Variants in DHX29 observed in about 807,000 individuals in gnomAD.
The protein encoded by DHX29 is DExH-box helicase 29.
DHX29 carries 79 observed loss-of-function variants against 167.9 expected under a neutral mutation model. The observed-to-expected ratio is 0.47, with a 90% CI of 0.39 to 0.57. The LOEUF is 0.57. Among genes scored for constraint, DHX29 ranks in the 20% least tolerant of loss-of-function variants. DHX29 has a pLI of 0.00. For missense variants in DHX29, 1,347 were observed against 1,593.4 expected (o/e 0.85, Z 2.63); for synonymous variants, 530 against 546.0 (o/e 0.97, Z 0.41).
chr5:55,306,576 C>G (rs1748873211), intron 1 of DHX29, among the ~76,000 whole-genome samples: 1 of 152,226 alleles, frequency 6.6e-6, no homozygotes, highest in Non-Finnish European at 1.5e-5. Context: ...ATTAGACTGG[C>G]AAGCTCCATG....
chr5:55,268,240 GC>G (rs1746679332), intron 21 of DHX29, among the ~76,000 whole-genome samples: 1 of 152,044 alleles, frequency 6.6e-6, no homozygotes, highest in African/African-American at 2.4e-5. Context: ...CTCTTAGTCT[GC>G]CGTGATCTTT....
chr5:55,273,686 T>C (rs1442131224), intron 16 of DHX29, among the ~76,000 whole-genome samples: 1 of 152,136 alleles, frequency 6.6e-6, no homozygotes, highest in Non-Finnish European at 1.5e-5. Flanking sequence ...ATTAAATATA[T>C]ATGGATGATA....
At position 55,300,130 on chromosome 5, in the gene DHX29, G is replaced by C. The variant is rs148321799; in HGVS notation, c.188-1466C>G. On this transcript the variant is annotated intron_variant, in intron 1 of 26. Transcript: ENST00000251636. ...CTCATGCCTGTAATCCCAGCACTTT[G>C]GGAGGCTGAGGTAGGAGGATCTCTT... 4.6e-3 allele frequency among the ~76,000 whole-genome samples: 699 copies of C among 152,224 alleles called. 5 individuals carry two copies. The highest frequency in any genetic ancestry group is 0.016 in the African/African-American group (665 of 41,532).
intron 14 of DHX29, 58 bp downstream of exon 14, chr5:55,276,208 T>C: frequency 1.4e-6 from 2 of 1,391,494 alleles, no homozygotes. Context: ...GAAACTCTTG[T>C]GGCAGGTTAG....
chr5:55,269,309 T>G, intron 21 of DHX29, 104 bp downstream of exon 21: 1 of 1,056,438 alleles, frequency 9.5e-7, no homozygotes, highest in South Asian at 1.6e-5. Context: ...GTATAGACAT[T>G]CTATTTAGTT....
chr5:55,280,160 G>C (rs1363987911), intron 12 of DHX29, among the ~76,000 whole-genome samples: 1 of 152,112 alleles, frequency 6.6e-6, no homozygotes, highest in South Asian at 2.1e-4. Context: ...TTAACATGAC[G>C]ATGAATTTCA....
rs545859056 is a variant in DHX29, at chr5:55,301,452, G to A, written c.188-2788C>T. 2.6e-5 allele frequency among the ~76,000 whole-genome samples: 4 copies of A among 152,158 alleles called. No individual in the cohort carries two copies. In the East Asian group the frequency reaches 7.7e-4, roughly 29 times the overall value. On this transcript the variant is annotated intron_variant, in intron 1 of 26. Transcript: ENST00000251636. ...TCCCAGGCCAGGCGTGGTGGCTCAC[G>A]CCTGTAATCCCAACACTTTGGGAGG...
chr5:55,267,952 TATG>T (rs2111816110), intron 21 of DHX29, 130 bp from the exon 22 acceptor site: 1 of 302,218 alleles, frequency 3.3e-6, no homozygotes, highest in Non-Finnish European at 6.0e-6. Context: ...AATATTTTAT[TATG>T]TTTATTAGTA....
At position 55,283,766 on chromosome 5, in the gene DHX29, C is replaced by A. The variant is rs1258418902; in HGVS notation, c.1402G>T (p.Glu468Ter). 6.2e-7 allele frequency: 1 copy of A among 1,610,426 alleles called. No homozygotes were observed. Among genetic ancestry groups the A allele is most frequent in the East Asian group, 2.2e-5 (1 of 44,854 alleles). Residue 468 changes from glutamate to a stop codon, truncating the protein, a stop_gained, in exon 11 of 27, where the codon GAG becomes TAG. Coordinates refer to ENST00000251636, the MANE Select transcript of DHX29 (RefSeq NM_019030.4). LOFTEE classifies it high-confidence loss of function. ...CTTTTCTTTTCTGCATCACTCCACTCCAGCCAAACATCTCGGTAAGTGGGA... is the reference window on the plus strand; with the variant it reads ...CTTTTCTTTTCTGCATCACTCCACTACAGCCAAACATCTCGGTAAGTGGGA... ...LPPTYRDVWLEWSDAEKKREE... is the reference protein window; with the variant it reads ...LPPTYRDVWL
intron 1 of DHX29, among the ~76,000 whole-genome samples, chr5:55,299,882 G>C (rs565439057): frequency 2.0e-5 from 3 of 152,102 alleles, no homozygotes; most frequent in African/African-American, 2.4e-5. Flanking sequence ...GAACAGAAAC[G>C]CTGTCTAGTC....
At position 55,294,146 on chromosome 5, in the gene DHX29, C is replaced by G. The variant is rs1748187611; in HGVS notation, c.652-1G>C. On this transcript the variant is annotated splice_acceptor_variant, in intron 5 of 26. Coordinates refer to ENST00000251636, the MANE Select transcript of DHX29 (RefSeq NM_019030.4). LOFTEE classifies it high-confidence loss of function. ...CCATATTTTTTTCTTCCTTTTTTGG[C>G]TAGAAAGAGAAAACAAATATCTGAA... is the stretch of plus-strand genomic sequence containing the variant. The G allele has an allele frequency of 2.5e-6, 4 of 1,580,488 alleles. No individual in the cohort carries two copies. In the South Asian group the frequency reaches 4.6e-5, roughly 18 times the overall value.
chr5:55,273,592 T>C lies in DHX29; in HGVS notation c.2691-215A>G, dbSNP rs183755940. On this transcript the variant is annotated intron_variant, in intron 16 of 26. Coordinates refer to ENST00000251636, the MANE Select transcript of DHX29 (RefSeq NM_019030.4). Reference sequence around the variant, plus strand: ...ATTATGCGAATAGGATTAAATTTTTTTAATGTTCTTTCTAATGTTGAAGTG... The same window carrying C: ...ATTATGCGAATAGGATTAAATTTTTCTAATGTTCTTTCTAATGTTGAAGTG... Among the ~76,000 whole-genome samples, 41 of 152,360 alleles carry C rather than the reference T, an allele frequency of 2.7e-4. 1 individual carries two copies. The highest frequency in any genetic ancestry group is 5.4e-4 in the Non-Finnish European group (37 of 68,034).
intron 11 of DHX29, 130 bp from the exon 12 acceptor site, chr5:55,281,645 A>G (rs1579785291): frequency 2.1e-6 from 1 of 473,610 alleles, no homozygotes; most frequent in Non-Finnish European, 3.5e-6. Flanking sequence ...ACAATTTATT[A>G]TATTAGTAAT....
In DHX29 at chr5:55,283,416, A is replaced by T; in HGVS notation, c.1752T>A (p.Thr584=). The T allele has an allele frequency of 6.2e-7, 1 of 1,614,160 alleles. No individual in the cohort carries two copies. Among genetic ancestry groups the T allele is most frequent in the Non-Finnish European group, 8.5e-7 (1 of 1,180,014 alleles). The change falls in exon 11 of 27, where the codon ACT becomes ACA. Residue 584 remains threonine, a synonymous_variant. Transcript: ENST00000251636. ...VFKHRDSIVE[T]LKRHRVVVVA... is the part of the protein sequence containing the mutation. ...CAACCACTACCCGATGCCTTTTAAGAGTTTCAACAATTGAGTCCCGATGTT... is the reference window on the plus strand; with the variant it reads ...CAACCACTACCCGATGCCTTTTAAGTGTTTCAACAATTGAGTCCCGATGTT...
intron 10 of DHX29, among the ~76,000 whole-genome samples, chr5:55,284,549 T>G (rs901501587): frequency 3.3e-5 from 5 of 152,154 alleles, no homozygotes; most frequent in African/African-American, 9.7e-5. Flanking sequence ...CTGTCCAGAG[T>G]TCCACTTAAT....
Position 55,283,731 on chromosome 5 carries a change from T to C in DHX29, c.1437A>G (p.Leu479=), listed in dbSNP as rs780211206. The C allele has an allele frequency of 9.9e-6, 16 of 1,613,878 alleles. No individual in the cohort carries two copies. In the South Asian group the frequency reaches 1.6e-4, roughly 17 times the overall value. ...WSDAEKKREE[L]NKMETNKPRD... is the part of the protein sequence containing the mutation. ...GTGGTTTATTGGTTTCCATTTTATT[T>C]AATTCTTCCCTTTTCTTTTCTGCAT... The change falls in exon 11 of 27, where the codon TTA becomes TTG. Residue 479 remains leucine (L), a synonymous_variant. Coordinates refer to ENST00000251636, the MANE Select transcript of DHX29 (RefSeq NM_019030.4).
chr5:55,256,552 G>GAA lies in DHX29; in HGVS notation c.4058-14_4058-13dup, dbSNP rs550237034. ...CAGAATCTTGTCATCTGAGTGGAAGGAAAAAAAAAAGCCACGAATAAATGC... is the reference window on the plus strand; with the variant it reads ...CAGAATCTTGTCATCTGAGTGGAAGGAAAAAAAAAAAAGCCACGAATAAATGC... On this transcript the variant is annotated splice_polypyrimidine_tract_variant and intron_variant, in intron 26 of 26. Transcript: ENST00000251636. The GAA allele has an allele frequency of 8.4e-6, 12 of 1,423,174 alleles. No homozygotes were observed. The highest frequency in any genetic ancestry group is 4.2e-5 in the South Asian group (3 of 71,950). 88.2% of individuals were successfully genotyped at this position (1,423,174 alleles called of 1,614,324 possible). A position where few individuals can be genotyped will look rare whatever the true frequency, so the allele number is the denominator to read the frequency against.
Position 55,274,737 on chromosome 5 carries a change from A to G in DHX29, c.2573-6T>C. On this transcript the variant is annotated splice_polypyrimidine_tract_variant and splice_region_variant and intron_variant, in intron 15 of 26. Transcript: ENST00000251636. The stretch of plus-strand genomic sequence containing the variant: ...TCTGAATTGGGGACTTTTATCTGAA[A>G]TTTTTAAAAAGATACAATATTCAAA... 1 of 1,578,814 alleles carries G rather than the reference A, an allele frequency of 6.3e-7. No homozygotes were observed. The highest frequency in any genetic ancestry group is 8.6e-7 in the Non-Finnish European group (1 of 1,168,060).
chr5:55,294,445 C>T (rs753479814), intron 5 of DHX29, among the ~76,000 whole-genome samples: 35 of 152,156 alleles, frequency 2.3e-4, no homozygotes, highest in African/African-American at 3.9e-4. Flanking sequence ...GAGGCCAAAG[C>T]GGGCGGATCA....
Sources: allele counts gnomAD v4.1 joint callset (sites outside exome capture counted in the v4.1 genomes callset), GRCh38; gene constraint gnomAD v4.1.1; transcripts MANE v1.5; gene names NCBI Gene and HGNC (gene_info 2026-07-23, HGNC 2026-07-21).